Variants in GPBP1 observed in about 807,000 individuals in gnomAD.
GPBP1 encodes the protein vasculin.
GPBP1 carries 13 observed loss-of-function variants against 56.5 expected under a neutral mutation model. The observed-to-expected ratio is 0.23, with a 90% CI of 0.15 to 0.37. The LOEUF (loss-of-function observed/expected upper bound fraction) is 0.37. Among genes scored for constraint, GPBP1 ranks in the 10% least tolerant of loss-of-function variants. The pLI is 1.00. For synonymous variants in GPBP1, 204 were observed against 188.9 expected (o/e 1.08, Z -0.66); for missense variants, 477 against 572.3 (o/e 0.83, Z 1.70).
chr5:57,253,551 C>T (rs1026170582), intron 10 of GPBP1, among the ~76,000 whole-genome samples: 1 of 152,170 alleles, frequency 6.6e-6, no homozygotes, highest in Non-Finnish European at 1.5e-5. Context: ...AACATTTTGT[C>T]CATCTTGTTC....
intron 2 of GPBP1, among the ~76,000 whole-genome samples, chr5:57,194,364 G>T (rs1480321376): frequency 6.6e-6 from 1 of 151,936 alleles, no homozygotes; most frequent in Non-Finnish European, 1.5e-5. Context: ...TTTTTGTTTG[G>T]CATTTTTGCC....
At chr5:57,262,565 A>C (rs373048900) in intron 11 of GPBP1, 29 bp from the exon 12 acceptor site, 2 of 1,530,680 alleles carry the variant, frequency 1.3e-6, no homozygotes, top group African/African-American at 2.7e-5. Flanking sequence ...TTGAGGGATA[A>C]TTTATTTATT....
intron 3 of GPBP1, among the ~76,000 whole-genome samples, chr5:57,222,442 G>A (rs975447733): frequency 1.3e-4 from 20 of 152,088 alleles, no homozygotes; most frequent in Admixed American, 2.0e-4. Flanking sequence ...CTAGGTTTCA[G>A]AAGTGAAATG....
intron 3 of GPBP1, among the ~76,000 whole-genome samples, chr5:57,216,019 A>G (rs1353821299): frequency 1.3e-5 from 2 of 152,194 alleles, no homozygotes; most frequent in East Asian, 1.9e-4. Flanking sequence ...AGGTGGAGCA[A>G]TAGCCTGAAT....
At chr5:57,246,190 TGTTA>T (rs964663733) in intron 6 of GPBP1, 106 bp from the exon 7 acceptor site, 48 of 638,424 alleles carry the variant, frequency 7.5e-5, no homozygotes, top group African/African-American at 6.8e-4. Context: ...AGGAGGCAGC[TGTTA>T]GTTAAAAAAA....
rs912723411 is a variant in GPBP1 at position 57,263,773 on chromosome 5, A to G, written c.*1021A>G. 3 of 152,174 alleles carry G rather than the reference A, an allele frequency of 2.0e-5. No individual in the cohort carries two copies. Among genetic ancestry groups the G allele is most frequent in the South Asian group, 2.1e-4 (1 of 4,832 alleles). The allele number at this position is 152,174 out of a possible 1,614,324, so 9.4% of individuals were successfully genotyped here. On this transcript the variant is annotated 3_prime_UTR_variant, in exon 12 of 12. Coordinates refer to ENST00000506184, the MANE Select transcript of GPBP1 (RefSeq NM_022913.4). ...TCAAATACACAAGCTTATTAAATGAATGACTGTTAACTACTTTATTTTCAT... is the reference window on the plus strand; with the variant it reads ...TCAAATACACAAGCTTATTAAATGAGTGACTGTTAACTACTTTATTTTCAT...
chr5:57,189,284 A>G (rs1754420155), intron 2 of GPBP1, among the ~76,000 whole-genome samples: 2 of 152,090 alleles, frequency 1.3e-5, no homozygotes, highest in African/African-American at 4.8e-5. Flanking sequence ...GTGCCCAGCT[A>G]ATTTTTGTAT....
chr5:57,185,202 G>C (rs1054865113), intron 2 of GPBP1, among the ~76,000 whole-genome samples: 1 of 150,618 alleles, frequency 6.6e-6, no homozygotes, highest in Non-Finnish European at 1.5e-5. Flanking sequence ...ATGGGTGTTA[G>C]TTGTTATCAC....
chr5:57,246,777 G>A (rs538638795), intron 7 of GPBP1, among the ~76,000 whole-genome samples: 1 of 151,890 alleles, frequency 6.6e-6, no homozygotes, highest in Non-Finnish European at 1.5e-5. Flanking sequence ...TTTACCTGGT[G>A]CTCAGTTTTA....
chr5:57,193,347 G>A (rs910857355), intron 2 of GPBP1, among the ~76,000 whole-genome samples: 2 of 151,818 alleles, frequency 1.3e-5, no homozygotes, highest in Admixed American at 6.6e-5. Flanking sequence ...GAGTGCCGTG[G>A]CTTACTCCTG....
intron 2 of GPBP1, among the ~76,000 whole-genome samples, chr5:57,185,382 G>C (rs142376498): frequency 2.6e-5 from 4 of 151,522 alleles, no homozygotes; most frequent in African/African-American, 2.4e-5. Context: ...CTGTCTCAGC[G>C]TCTGAGTAGC....
At chr5:57,188,952 C>T (rs1356761858) in intron 2 of GPBP1, among the ~76,000 whole-genome samples, 1 of 152,080 alleles carries the variant, frequency 6.6e-6, no homozygotes, top group African/African-American at 2.4e-5. Flanking sequence ...ATTAATATCC[C>T]ACTGCTACTA....
chr5:57,261,295 GAATC>G lies in GPBP1; in HGVS notation c.1263+15_1263+18del, dbSNP rs1561382081. 1 of 1,433,354 alleles carries G rather than the reference GAATC, an allele frequency of 7.0e-7. No individual in the cohort carries two copies. Among genetic ancestry groups the G allele is most frequent in the African/African-American group, 1.4e-5 (1 of 71,380 alleles). 88.8% of individuals were successfully genotyped at this position (1,433,354 alleles called of 1,614,324 possible). On this transcript the variant is annotated intron_variant, in intron 11 of 11. Coordinates refer to ENST00000506184, the MANE Select transcript of GPBP1 (RefSeq NM_022913.4). ...TATTAGTGAACAGGTAAGAAAACCTGAATCATACAACTTCACTTTTAAACTGCCC... is the reference window on the plus strand; with the variant it reads ...TATTAGTGAACAGGTAAGAAAACCTGATACAACTTCACTTTTAAACTGCCC...
chr5:57,254,851 A>G (rs1428174257), intron 10 of GPBP1, among the ~76,000 whole-genome samples: 1 of 152,200 alleles, frequency 6.6e-6, no homozygotes, highest in African/African-American at 2.4e-5. Context: ...ACAAAGTATA[A>G]TTTATTGTAC....
chr5:57,237,121 G>A, intron 6 of GPBP1: 2 of 1,547,436 alleles, frequency 1.3e-6, no homozygotes, highest in Non-Finnish European at 8.7e-7. Context: ...AGGCCTACAC[G>A]CCCAGACACA....
chr5:57,213,870 C>A (rs1410212804), intron 2 of GPBP1, among the ~76,000 whole-genome samples: 3 of 152,200 alleles, frequency 2.0e-5, no homozygotes, highest in Admixed American at 2.0e-4. Context: ...AGATAATACT[C>A]AGTTACCCAG....
intron 6 of GPBP1, among the ~76,000 whole-genome samples, chr5:57,242,845 G>A (rs1740894721): frequency 6.6e-6 from 1 of 152,014 alleles, no homozygotes; most frequent in South Asian, 2.1e-4. Flanking sequence ...TGCCTCCCGG[G>A]TTCAAGTGAT....
chr5:57,253,212 G>A (rs549216410), intron 10 of GPBP1, among the ~76,000 whole-genome samples: 32 of 152,108 alleles, frequency 2.1e-4, no homozygotes, highest in African/African-American at 6.7e-4. Flanking sequence ...CACATGGTTC[G>A]GCATAACTAA....
intron 3 of GPBP1, among the ~76,000 whole-genome samples, chr5:57,228,838 A>T (rs1261027342): frequency 1.3e-5 from 2 of 152,146 alleles, no homozygotes; most frequent in East Asian, 3.9e-4. Flanking sequence ...GACTTAAAAG[A>T]TGACAAATAT....
Sources: allele counts gnomAD v4.1 joint callset (sites outside exome capture counted in the v4.1 genomes callset), GRCh38; gene constraint gnomAD v4.1.1; transcripts MANE v1.5; gene names NCBI Gene and HGNC (gene_info 2026-07-23, HGNC 2026-07-21).